The following KIF13A variants were observed in gnomAD, a reference collection of about 807,000 sequenced individuals.
The protein encoded by KIF13A is kinesin-like protein KIF13A.
Under a neutral mutation model 212.2 loss-of-function variants are expected in KIF13A, and 79 were observed. That is an observed-to-expected ratio of 0.37 (90% CI 0.31 to 0.45). The LOEUF is 0.45. KIF13A is among the 20% of genes least tolerant of loss of function. KIF13A has a pLI of 1.00. For missense variants in KIF13A, 1,901 were observed against 2,209.0 expected (o/e 0.86, Z 2.79); for synonymous variants, 789 against 808.6 (o/e 0.98, Z 0.41).
chr6:17,952,567 T>C (rs1777955320), intron 2 of KIF13A, among the ~76,000 whole-genome samples: 1 of 149,370 alleles, frequency 6.7e-6, no homozygotes, highest in Non-Finnish European at 1.5e-5. Context: ...AGCCCAGGAG[T>C]TTGAGGCTAC....
Position 17,804,890 on chromosome 6 carries a change from T to C in KIF13A, c.2305-380A>G, listed in dbSNP as rs368309144. Among the ~76,000 whole-genome samples, 3 of 140,438 alleles carry C rather than the reference T, an allele frequency of 2.1e-5. No homozygotes were observed. The East Asian group carries it at 7.1e-4, about 33-fold the overall frequency. The allele number at this position is 140,438 out of a possible 152,430, so 92.1% of individuals were successfully genotyped here. A position where few individuals can be genotyped will look rare whatever the true frequency, so the allele number is the denominator to read the frequency against. ...GCCTGTTTGCTGGGGAGCTAACTAA[T>C]GCCTGTGCAGAAGATTCCTCTTCAG... On this transcript the variant is annotated intron_variant, in intron 19 of 38. Coordinates refer to ENST00000259711, the MANE Select transcript of KIF13A (RefSeq NM_022113.6).
chr6:17,987,140 C>T lies in KIF13A; in HGVS notation c.60G>A (p.Leu20=). The T allele has an allele frequency of 6.2e-7, 1 of 1,611,646 alleles. No individual in the cohort carries two copies. The highest frequency in any genetic ancestry group is 1.1e-5 in the South Asian group (1 of 90,858). Reference sequence around the variant, plus strand: ...CCACCACGCACTTGGTGTTCAGTTCCAGTTCTGAAAGCAGAGAGAAAGGGA... The same window carrying T: ...CCACCACGCACTTGGTGTTCAGTTCTAGTTCTGAAAGCAGAGAGAAAGGGA... ...VRVRPMNRRE[L]ELNTKCVVEM... is the part of the protein sequence containing the mutation. The change falls in exon 2 of 39, where the codon CTG becomes CTA. Residue 20 remains leucine (L), a synonymous_variant. Coordinates refer to ENST00000259711, the MANE Select transcript of KIF13A (RefSeq NM_022113.6). The surrounding 1 kb of genome is among the most constrained non-coding windows in gnomAD (Gnocchi z 7.7).
chr6:17,983,477 C>T (rs1292229182), intron 2 of KIF13A, among the ~76,000 whole-genome samples: 1 of 137,926 alleles, frequency 7.3e-6, no homozygotes, highest in Admixed American at 7.1e-5. Context: ...ACCCCCAAAA[C>T]TGTCTTGCTG....
chr6:17,966,799 C>T (rs1254451252), intron 2 of KIF13A, among the ~76,000 whole-genome samples: 2 of 148,102 alleles, frequency 1.4e-5, no homozygotes, highest in Non-Finnish European at 3.1e-5. Context: ...TAATAACACA[C>T]ACTAAGAAAA....
At chr6:17,965,397 G>C (rs1779216106) in intron 2 of KIF13A, among the ~76,000 whole-genome samples, 1 of 152,064 alleles carries the variant, frequency 6.6e-6, no homozygotes. Context: ...GATGAATAAG[G>C]CTTTTGTTGT....
intron 25 of KIF13A, among the ~76,000 whole-genome samples, chr6:17,793,447 T>C (rs1313944923): frequency 2.0e-5 from 3 of 152,138 alleles, no homozygotes; most frequent in Non-Finnish European, 4.4e-5. Flanking sequence ...ATACGATCAA[T>C]TCTTAGATCA....
intron 3 of KIF13A, among the ~76,000 whole-genome samples, chr6:17,890,627 CTTCT>C (rs1348960282): frequency 2.0e-5 from 3 of 150,552 alleles, no homozygotes; most frequent in Non-Finnish European, 4.4e-5. Flanking sequence ...CCTTCTCCTT[CTTCT>C]TTTTTTTTTT....
chr6:17,764,970 G>A lies in KIF13A; in HGVS notation c.4582-24C>T. ...TCCTATAGAAGTGAAGCAAAAGTCA[G>A]TCATTAGCTCCTTGTAGCAACTGTA... On this transcript the variant is annotated intron_variant, in intron 38 of 38. Coordinates refer to ENST00000259711, the MANE Select transcript of KIF13A (RefSeq NM_022113.6). This position sits in a 1 kb window ranked among gnomAD's most constrained non-coding sequence, Gnocchi z 5.1. 1 of 1,553,842 alleles carries A rather than the reference G, an allele frequency of 6.4e-7. No individual in the cohort carries two copies. The highest frequency in any genetic ancestry group is 8.7e-7 in the Non-Finnish European group (1 of 1,145,580).
In KIF13A at chr6:17,860,838, A is replaced by T. The variant is rs896794627; in HGVS notation, c.221-4716T>A. Among the ~76,000 whole-genome samples, 22 of 152,212 alleles carry T rather than the reference A, an allele frequency of 1.4e-4. 1 individual carries two copies. Among genetic ancestry groups the T allele is most frequent in the African/African-American group, 5.3e-4 (22 of 41,458 alleles). On this transcript the variant is annotated intron_variant, in intron 4 of 38. Coordinates refer to ENST00000259711, the MANE Select transcript of KIF13A (RefSeq NM_022113.6). Reference sequence around the variant, plus strand: ...AAATTCTAATGAATCCCATAAGACTACAGTAGGCCTTTGTTAAATAAGCCA... The same window carrying T: ...AAATTCTAATGAATCCCATAAGACTTCAGTAGGCCTTTGTTAAATAAGCCA...
rs143995257 is a variant in KIF13A, at chr6:17,797,749, C to G, written c.2791-929G>C. Among the ~76,000 whole-genome samples, 174 of 152,184 alleles carry G rather than the reference C, an allele frequency of 1.1e-3. 1 individual carries two copies. Among genetic ancestry groups the G allele is most frequent in the African/African-American group, 4.0e-3 (165 of 41,528 alleles). On this transcript the variant is annotated intron_variant, in intron 22 of 38. Coordinates refer to ENST00000259711, the MANE Select transcript of KIF13A (RefSeq NM_022113.6). ...AGATCCTGTCTCTACAAAGTAAAAA[C>G]TAGCCGGGTGTGGTGGTGCACACCT...
In KIF13A at chr6:17,785,587, C is replaced by T. The variant is rs1389775006; in HGVS notation, c.3416G>A (p.Gly1139Glu). ...CACAGCATTCCTTTCCTCAGTCAGC[C>T]CTACCCACTGCTCCACAAGCTGGGC... ...REAQLVEQWVGLTEERNAVLV... is the reference protein window; with the variant it reads ...REAQLVEQWVELTEERNAVLV... The change falls in exon 28 of 39, where the codon GGG (glycine) becomes GAG (glutamate). Residue 1139 changes from glycine (G) to glutamate (E), a missense_variant. Gly to Glu is a moderately conservative substitution (Grantham distance 98). Around this residue, in one of 5 missense-constraint regions of KIF13A, gnomAD observed 168 missense variants for 250.9 expected, o/e 0.67. Transcript: ENST00000259711. This position sits in a 1 kb window ranked among gnomAD's most constrained non-coding sequence, Gnocchi z 5.8. 4 of 1,605,586 alleles carry T rather than the reference C, an allele frequency of 2.5e-6. No homozygotes were observed. The African/African-American group carries it at 4.0e-5, about 16-fold the overall frequency.
intron 2 of KIF13A, among the ~76,000 whole-genome samples, chr6:17,973,074 G>C (rs1426766895): frequency 2.6e-5 from 4 of 152,326 alleles, no homozygotes; most frequent in Non-Finnish European, 5.9e-5. Flanking sequence ...GGAAATATTG[G>C]AGATGAACTG....
In KIF13A at chr6:17,838,804, G is replaced by A. The variant is rs948325308; in HGVS notation, c.831-1221C>T. ...AGGGAGTGGAAGGGGAGAGGATGAC[G>A]AGCTTATTTTTTTGTTTGTTTGTTT... On this transcript the variant is annotated intron_variant, in intron 9 of 38. Coordinates refer to ENST00000259711, the MANE Select transcript of KIF13A (RefSeq NM_022113.6). This position sits in a 1 kb window ranked among gnomAD's most constrained non-coding sequence, Gnocchi z 4.2. Among the ~76,000 whole-genome samples, 10 of 151,930 alleles carry A rather than the reference G, an allele frequency of 6.6e-5. No homozygotes were observed. Among genetic ancestry groups the A allele is most frequent in the Admixed American group, 2.6e-4 (4 of 15,224 alleles).
In KIF13A at chr6:17,834,198, TA is replaced by T. The variant is rs1765719872; in HGVS notation, c.1156-128del. On this transcript the variant is annotated intron_variant, in intron 11 of 38. Coordinates refer to ENST00000259711, the MANE Select transcript of KIF13A (RefSeq NM_022113.6). The surrounding 1 kb of genome is among the most constrained non-coding windows in gnomAD (Gnocchi z 4.0). Reference sequence around the variant, plus strand: ...TGGAAAAAATTAAGTTATATGCTGTTAGGGTGGGTTTTTAACCTTTATTAAT... The same window carrying T: ...TGGAAAAAATTAAGTTATATGCTGTTGGGTGGGTTTTTAACCTTTATTAAT... 1.7e-6 allele frequency: 1 copy of T among 575,692 alleles called. No individual in the cohort carries two copies. Among genetic ancestry groups the T allele is most frequent in the Admixed American group, 3.9e-5 (1 of 25,742 alleles). The allele number at this position is 575,692 out of a possible 1,614,324, so 35.7% of individuals were successfully genotyped here. A position where few individuals can be genotyped will look rare whatever the true frequency, so the allele number is the denominator to read the frequency against.
chr6:17,810,786 T>C (rs1018465140), intron 17 of KIF13A, among the ~76,000 whole-genome samples: 2 of 152,192 alleles, frequency 1.3e-5, no homozygotes, highest in Admixed American at 6.5e-5. Context: ...GTACAGTTCA[T>C]AATAGGGTTT....
At position 17,855,834 on chromosome 6, in the gene KIF13A, C is replaced by CT. The variant is rs1374874058; in HGVS notation, c.313+195dup. ...GCTCAAGCCATCCTCCCACCTCAGT[C>CT]TCCCAAGAAGCTGGGACTACAGGTG... is the stretch of plus-strand genomic sequence containing the variant. On this transcript the variant is annotated intron_variant, in intron 5 of 38. Coordinates refer to ENST00000259711, the MANE Select transcript of KIF13A (RefSeq NM_022113.6). The surrounding 1 kb of genome is among the most constrained non-coding windows in gnomAD (Gnocchi z 4.1). 6.6e-6 allele frequency among the ~76,000 whole-genome samples: 1 copy of CT among 152,132 alleles called. No individual in the cohort carries two copies. Among genetic ancestry groups the CT allele is most frequent in the Non-Finnish European group, 1.5e-5 (1 of 68,016 alleles).
At chr6:17,795,771 T>C (rs1270188763) in intron 23 of KIF13A, among the ~76,000 whole-genome samples, 2 of 152,226 alleles carry the variant, frequency 1.3e-5, no homozygotes, top group Non-Finnish European at 2.9e-5. Context: ...ATTTTCATAG[T>C]GGTCTTTTGA....
chr6:17,932,503 A>G (rs370613693), intron 2 of KIF13A, among the ~76,000 whole-genome samples: 80 of 152,332 alleles, frequency 5.3e-4, no homozygotes, highest in African/African-American at 1.8e-3. Flanking sequence ...AATAAGGAAC[A>G]TCTGCATTAG....
Position 17,771,845 on chromosome 6 carries a change from G to T in KIF13A, c.4476+63C>A. 1 of 1,526,370 alleles carries T rather than the reference G, an allele frequency of 6.6e-7. No homozygotes were observed. Among genetic ancestry groups the T allele is most frequent in the Non-Finnish European group, 9.0e-7 (1 of 1,106,700 alleles). 94.6% of individuals were successfully genotyped at this position (1,526,370 alleles called of 1,614,324 possible). On this transcript the variant is annotated intron_variant, in intron 37 of 38. Transcript: ENST00000259711. This position sits in a 1 kb window ranked among gnomAD's most constrained non-coding sequence, Gnocchi z 5.4. ...AGCACTCAGCTTGTTAATGCACACT[G>T]CTGCTTCACAGGTGACACAACTCTG...
Sources: allele counts gnomAD v4.1 joint callset (sites outside exome capture counted in the v4.1 genomes callset), GRCh38; gene constraint gnomAD v4.1.1; regional missense constraint gnomAD v4.1.1; non-coding constraint Gnocchi (gnomAD v3.1); transcripts MANE v1.5; gene names NCBI Gene and HGNC (gene_info 2026-07-23, HGNC 2026-07-21).